TGM3: variants seen among roughly 807,000 people sequenced by gnomAD.
TGM3 encodes transglutaminase 3, also known as protein-glutamine gamma-glutamyltransferase E.
In TGM3, 52 loss-of-function variants were observed where a neutral mutation model predicts 73.8. The ratio of observed to expected loss-of-function variants is 0.70; its 90% confidence interval spans 0.56 to 0.89. TGM3 has a LOEUF of 0.89. TGM3 is among the 40% of genes least tolerant of loss of function. The pLI, the probability that TGM3 is intolerant of heterozygous loss-of-function variation, is 0.00. For missense variants in TGM3, 928 were observed against 909.9 expected, an observed-to-expected ratio of 1.02 and a Z score of -0.26; for synonymous variants, 372 against 354.9, an observed-to-expected ratio of 1.05 and a Z score of -0.54.
chr20:2,340,194 A>G (rs1439465487), intron 12 of TGM3, among the ~76,000 whole-genome samples: 2 of 152,184 alleles, frequency 1.3e-5, no homozygotes, highest in Non-Finnish European at 2.9e-5. Flanking sequence ...ACCAGAGCTA[A>G]GAGCTGGCCT....
At position 2,328,001 on chromosome 20, in the gene TGM3, A is replaced by G; in HGVS notation, c.1088-119A>G. ...TGAGTGGGACACACAGTCAGGGGTGAAGGAATTTGGGCGGGGCAGAGGCAG... is the reference window on the plus strand; with the variant it reads ...TGAGTGGGACACACAGTCAGGGGTGGAGGAATTTGGGCGGGGCAGAGGCAG... On this transcript the variant is annotated intron_variant, in intron 8 of 12. Transcript: ENST00000381458. This position sits in a 1 kb window ranked among gnomAD's most constrained non-coding sequence, Gnocchi z 5.2. 2 of 1,423,776 alleles carry G rather than the reference A, an allele frequency of 1.4e-6. No individual in the cohort carries two copies. The highest frequency in any genetic ancestry group is 1.9e-6 in the Non-Finnish European group (2 of 1,033,954). 88.2% of individuals were successfully genotyped at this position (1,423,776 alleles called of 1,614,324 possible).
intron 11 of TGM3, among the ~76,000 whole-genome samples, chr20:2,335,944 G>A (rs1204715454): frequency 6.6e-6 from 1 of 152,196 alleles, no homozygotes; most frequent in Admixed American, 6.5e-5. Context: ...TCAGAACCTG[G>A]GACTCCCAGC....
At chr20:2,319,323 T>C (rs1456872675) in intron 7 of TGM3, among the ~76,000 whole-genome samples, 1 of 152,142 alleles carries the variant, frequency 6.6e-6, no homozygotes, top group Non-Finnish European at 1.5e-5. Flanking sequence ...TCTCAGTTCC[T>C]CCACTGAAAG....
chr20:2,309,635 G>T (rs1231366904), intron 1 of TGM3, 22 bp from the exon 2 acceptor site: 1 of 1,612,314 alleles, frequency 6.2e-7, no homozygotes, highest in Non-Finnish European at 8.5e-7. Flanking sequence ...TAGGACTTCA[G>T]GTTCTCCTTT....
At chr20:2,321,291 GT>G (rs1298965651) in intron 7 of TGM3, among the ~76,000 whole-genome samples, 1 of 152,174 alleles carries the variant, frequency 6.6e-6, no homozygotes, top group Non-Finnish European at 1.5e-5. Flanking sequence ...GAATAGACGA[GT>G]TTACAGCTGC....
At chr20:2,312,138 G>T (rs965870695) in intron 4 of TGM3, among the ~76,000 whole-genome samples, 2 of 152,102 alleles carry the variant, frequency 1.3e-5, no homozygotes, top group African/African-American at 4.8e-5. Context: ...AGTGGCTCAC[G>T]CCTGTAATCC....
intron 1 of TGM3, among the ~76,000 whole-genome samples, chr20:2,307,014 C>T (rs1274887170): frequency 6.6e-6 from 1 of 152,194 alleles, no homozygotes; most frequent in Non-Finnish European, 1.5e-5. Context: ...TTTCCCCCTG[C>T]TCCCTCTGTC....
chr20:2,310,900 TG>T, intron 3 of TGM3, 110 bp from the exon 4 acceptor site: 1 of 878,348 alleles, frequency 1.1e-6, no homozygotes, highest in Non-Finnish European at 1.9e-6. Context: ...GGGCTAAAGG[TG>T]GGGCTTGCTC....
At chr20:2,305,449 G>C (rs1033583212) in intron 1 of TGM3, among the ~76,000 whole-genome samples, 1 of 152,196 alleles carries the variant, frequency 6.6e-6, no homozygotes, top group Non-Finnish European at 1.5e-5. Flanking sequence ...CAGGATCCTG[G>C]CTCTGCCAAT....
chr20:2,299,263 C>T (rs214773), intron 1 of TGM3, among the ~76,000 whole-genome samples: 112,505 of 152,026 alleles, frequency 0.74, 43,519 homozygotes, highest in East Asian at 0.93. Context: ...CTTGGGGGGA[C>T]TTAAGAAAAA....
In TGM3 at chr20:2,330,229, G is replaced by C. The variant is rs2084312869; in HGVS notation, c.1334-1773G>C. Among the ~76,000 whole-genome samples, 6 of 152,222 alleles carry C rather than the reference G, an allele frequency of 3.9e-5. No individual in the cohort carries two copies. In the South Asian group the frequency reaches 1.2e-3, roughly 31 times the overall value. ...GCTAAGTATTGATGCAATAGCAACA[G>C]CAAAGGGAGAAAACAGCAGGAGGAA... On this transcript the variant is annotated intron_variant, in intron 9 of 12. Coordinates refer to ENST00000381458, the MANE Select transcript of TGM3 (RefSeq NM_003245.4).
At chr20:2,331,248 T>G (rs1408901805) in intron 9 of TGM3, among the ~76,000 whole-genome samples, 2 of 152,118 alleles carry the variant, frequency 1.3e-5, no homozygotes, top group East Asian at 3.9e-4. Flanking sequence ...CTCAGAGGCT[T>G]GCAGTCGGTT....
intron 4 of TGM3, among the ~76,000 whole-genome samples, chr20:2,312,554 G>A (rs2084211589): frequency 6.6e-6 from 1 of 152,188 alleles, no homozygotes; most frequent in Non-Finnish European, 1.5e-5. Flanking sequence ...GCTAGACCAA[G>A]CCACCTCCCA....
Position 2,309,797 on chromosome 20 carries a change from T to G in TGM3, c.148T>G (p.Ser50Ala). Reference protein sequence around the residue: ...VLMIMNKGLGSNERLEFIVST... With the variant: ...VLMIMNKGLGANERLEFIVST... The stretch of plus-strand genomic sequence containing the variant: ...AATGATCATGAACAAAGGCCTTGGC[T>G]CTAACGAAAGACTGGAGTTCATTGT... Residue 50 changes from serine (S) to alanine (A), a missense_variant, in exon 2 of 13, where the codon TCT becomes GCT. By Grantham distance (99) the Ser-to-Ala change is moderately conservative (BLOSUM62 1). Coordinates refer to ENST00000381458, the MANE Select transcript of TGM3 (RefSeq NM_003245.4). The G allele has an allele frequency of 6.2e-7, 1 of 1,614,192 alleles. No individual in the cohort carries two copies. The highest frequency in any genetic ancestry group is 8.5e-7 in the Non-Finnish European group (1 of 1,180,012).
intron 12 of TGM3, 41 bp downstream of exon 12, chr20:2,340,028 G>A (rs767208683): frequency 9.3e-6 from 14 of 1,513,300 alleles, no homozygotes; most frequent in East Asian, 2.4e-5. Flanking sequence ...GAGGGCGGGA[G>A]GGGGCGGGGG....
intron 5 of TGM3, among the ~76,000 whole-genome samples, chr20:2,315,856 A>G (rs142686553): frequency 3.9e-5 from 6 of 152,204 alleles, no homozygotes; most frequent in African/African-American, 1.4e-4. Context: ...TTGTAACCTC[A>G]GTGTCTCCTT....
intron 5 of TGM3, among the ~76,000 whole-genome samples, chr20:2,315,886 A>G (rs976683530): frequency 6.6e-6 from 1 of 152,176 alleles, no homozygotes; most frequent in Non-Finnish European, 1.5e-5. Flanking sequence ...AACTTTTATT[A>G]TGGAAAAGTT....
chr20:2,333,571 T>A (rs1030922484), intron 10 of TGM3, among the ~76,000 whole-genome samples: 1 of 152,000 alleles, frequency 6.6e-6, no homozygotes, highest in Middle Eastern at 3.2e-3. Flanking sequence ...ACTTTTAAAG[T>A]TTTTTGTAGA....
In TGM3 at chr20:2,313,139, C is replaced by T. The variant is rs2084215987; in HGVS notation, c.669+113C>T. ...CATCTCATTAAAGCCTCACCAATTA[C>T]AGCTGGTGGTTAGAACCATCCACAT... On this transcript the variant is annotated intron_variant, in intron 5 of 12. Transcript: ENST00000381458. 9.7e-6 allele frequency: 14 copies of T among 1,439,582 alleles called. No homozygotes were observed. In the South Asian group the frequency reaches 1.2e-4, roughly 13 times the overall value. The allele number at this position is 1,439,582 out of a possible 1,614,324, so 89.2% of individuals were successfully genotyped here.
Sources: gnomAD v4.1 joint callset for allele counts (sites outside exome capture counted in the v4.1 genomes callset) on GRCh38, gnomAD v4.1.1 for gene constraint, Gnocchi (gnomAD v3.1) non-coding constraint, MANE v1.5 for transcripts, NCBI Gene and HGNC (gene_info 2026-07-23, HGNC 2026-07-21) for gene names.